The following PALLD variants were observed in gnomAD, a reference collection of about 807,000 sequenced individuals.
The protein encoded by PALLD is palladin, cytoskeletal associated protein.
PALLD carries 61 observed loss-of-function variants against 123.5 expected under a neutral mutation model. The observed-to-expected ratio is 0.49, with a 90% CI of 0.40 to 0.61. The LOEUF (loss-of-function observed/expected upper bound fraction) is 0.61. PALLD is among the 20% of genes least tolerant of loss of function. PALLD has a pLI of 0.00. For synonymous variants in PALLD, 465 were observed against 496.4 expected (o/e 0.94, Z 0.84); for missense variants, 1,273 against 1,377.0 (o/e 0.92, Z 1.20).
chr4:168,714,265 G>A (rs1785125620), intron 10 of PALLD, among the ~76,000 whole-genome samples: 1 of 151,946 alleles, frequency 6.6e-6, no homozygotes, highest in African/African-American at 2.4e-5. Context: ...TATTATCAGA[G>A]CCTTTTCTAA....
At chr4:168,810,643 C>CA (rs60307198) in intron 10 of PALLD, among the ~76,000 whole-genome samples, 207 of 139,522 alleles carry the variant, frequency 1.5e-3, no homozygotes, top group African/African-American at 3.9e-3. Flanking sequence ...AACTCTGTCT[C>CA]AAAAAAAAAA....
intron 8 of PALLD, chr4:168,700,099 T>C: frequency 3.3e-6 from 1 of 299,294 alleles, no homozygotes. Flanking sequence ...CATTTCCTCA[T>C]GGCTTTCTTC....
At chr4:168,820,859 A>G (rs1742618328) in intron 10 of PALLD, among the ~76,000 whole-genome samples, 1 of 152,232 alleles carries the variant, frequency 6.6e-6, no homozygotes, top group Non-Finnish European at 1.5e-5. Flanking sequence ...TGCATCAGTG[A>G]AAATTTGGAG....
At chr4:168,678,797 C>T (rs1051274156) in intron 3 of PALLD, among the ~76,000 whole-genome samples, 17 of 142,314 alleles carry the variant, frequency 1.2e-4, no homozygotes, top group Non-Finnish European at 2.2e-4. Context: ...GTGTGGTGTA[C>T]GTAGTGGATG....
chr4:168,511,452 C>A lies in PALLD; in HGVS notation c.-53C>A. On this transcript the variant is annotated 5_prime_UTR_variant, in exon 2 of 22. Transcript: ENST00000505667. ...CAGTTTCAGAAAACAGTTTCCAGTG[C>A]CTCTGGCCTTCCTACTGAAAGCAGA... 7.4e-7 allele frequency: 1 copy of A among 1,349,558 alleles called. No individual in the cohort carries two copies. The highest frequency in any genetic ancestry group is 1.1e-6 in the Non-Finnish European group (1 of 940,970). 83.6% of individuals were successfully genotyped at this position (1,349,558 alleles called of 1,614,324 possible).
chr4:168,752,799 C>A (rs900599835), intron 10 of PALLD, among the ~76,000 whole-genome samples: 1 of 151,318 alleles, frequency 6.6e-6, no homozygotes, highest in Non-Finnish European at 1.5e-5. Flanking sequence ...TTTTAGTGAC[C>A]ACAAAACTTA....
chr4:168,730,253 C>T (rs1787025791), intron 10 of PALLD, among the ~76,000 whole-genome samples: 1 of 152,064 alleles, frequency 6.6e-6, no homozygotes, highest in Admixed American at 6.5e-5. Context: ...GTCTTCCAGA[C>T]CTTCTGCTGA....
intron 10 of PALLD, among the ~76,000 whole-genome samples, chr4:168,738,360 G>A (rs1186175819): frequency 6.6e-6 from 1 of 152,110 alleles, no homozygotes; most frequent in African/African-American, 2.4e-5. Flanking sequence ...TATGTAGCAA[G>A]CGTTAAGAAG....
At chr4:168,816,409 ATATATTTT>A (rs1048413327) in intron 10 of PALLD, among the ~76,000 whole-genome samples, 5 of 116,410 alleles carry the variant, frequency 4.3e-5, no homozygotes, top group African/African-American at 7.3e-5. Flanking sequence ...ATATATATAT[ATATATTTT>A]TTTTAAGTAT....
chr4:168,900,855 A>G (rs1303534905), intron 14 of PALLD, among the ~76,000 whole-genome samples: 2 of 152,248 alleles, frequency 1.3e-5, no homozygotes, highest in African/African-American at 2.4e-5. Flanking sequence ...ACGAAATTCA[A>G]TAAGGAATTA....
rs141607523 is a variant in PALLD, at chr4:168,709,313, C to T, written c.1621+166C>T. 6.1e-3 allele frequency among the ~76,000 whole-genome samples: 926 copies of T among 151,726 alleles called. 4 individuals carry two copies. Among genetic ancestry groups the T allele is most frequent in the Middle Eastern group, 0.01 (3 of 294 alleles). ...TCACTTGAGGTGAAGAGTTCGAGACCAGCCTGGTTAACATGGTGAAACCCT... is the reference window on the plus strand; with the variant it reads ...TCACTTGAGGTGAAGAGTTCGAGACTAGCCTGGTTAACATGGTGAAACCCT... On this transcript the variant is annotated intron_variant, in intron 9 of 21. Transcript: ENST00000505667.
At chr4:168,690,960 A>G (rs555026057) in intron 7 of PALLD, among the ~76,000 whole-genome samples, 5 of 152,212 alleles carry the variant, frequency 3.3e-5, no homozygotes, top group Non-Finnish European at 7.3e-5. Flanking sequence ...TAAAAAATGC[A>G]TATATACATT....
At chr4:168,598,661 T>G in intron 2 of PALLD, 1 of 334,782 alleles carries the variant, frequency 3.0e-6, no homozygotes, top group South Asian at 2.7e-5. Flanking sequence ...ACTCTGAAGC[T>G]TTCTGTCATC....
intron 10 of PALLD, among the ~76,000 whole-genome samples, chr4:168,754,608 A>G (rs190859176): frequency 1.3e-5 from 2 of 152,346 alleles, no homozygotes; most frequent in African/African-American, 2.4e-5. Context: ...CAGTCTGAAG[A>G]AAAACAATTG....
intron 1 of PALLD, among the ~76,000 whole-genome samples, chr4:168,503,946 T>G (rs1418894652): frequency 6.6e-6 from 1 of 152,216 alleles, no homozygotes; most frequent in Non-Finnish European, 1.5e-5. Flanking sequence ...TGACACAATT[T>G]GTACCTATGA....
intron 10 of PALLD, among the ~76,000 whole-genome samples, chr4:168,765,631 C>A (rs1255415873): frequency 6.6e-6 from 1 of 152,228 alleles, no homozygotes; most frequent in Non-Finnish European, 1.5e-5. Context: ...TTACTGTTTG[C>A]CACAGATTGT....
In PALLD at chr4:168,878,259, C is replaced by T. The variant is rs1173076751; in HGVS notation, c.1965-12663C>T. 1.3e-6 allele frequency: 2 copies of T among 1,525,478 alleles called. No individual in the cohort carries two copies. The highest frequency in any genetic ancestry group is 4.0e-5 in the Admixed American group (2 of 50,310). 94.5% of individuals were successfully genotyped at this position (1,525,478 alleles called of 1,614,324 possible). A position where few individuals can be genotyped will look rare whatever the true frequency, so the allele number is the denominator to read the frequency against. On this transcript the variant is annotated intron_variant, in intron 10 of 21. Transcript: ENST00000505667. ...CCGCCGCTCCCGAGCCCGGGACAGG[C>T]GTCCCACTGCTCGTCGCCTGCCACC...
intron 2 of PALLD, among the ~76,000 whole-genome samples, chr4:168,525,688 C>T (rs569017519): frequency 4.5e-4 from 68 of 152,228 alleles, no homozygotes; most frequent in Non-Finnish European, 8.5e-4. Context: ...CAATGGTATA[C>T]CTCAAATTAA....
At chr4:168,559,978 C>G (rs1002575433) in intron 2 of PALLD, among the ~76,000 whole-genome samples, 11 of 152,014 alleles carry the variant, frequency 7.2e-5, no homozygotes, top group Non-Finnish European at 1.3e-4. Flanking sequence ...TTTTACCTGG[C>G]GCTTTTAAAA....
Sources: allele counts gnomAD v4.1 joint callset (sites outside exome capture counted in the v4.1 genomes callset), GRCh38; gene constraint gnomAD v4.1.1; transcripts MANE v1.5; gene names NCBI Gene and HGNC (gene_info 2026-07-23, HGNC 2026-07-21).